The following BLTP3A variants were observed in gnomAD, a reference collection of about 807,000 sequenced individuals.
The protein encoded by BLTP3A is ICBP90 binding protein 1.
the BLTP3A span, among the ~76,000 whole-genome samples, chr6:34,843,721 C>A: frequency 6.6e-6 from 1 of 152,174 alleles, no homozygotes; most frequent in Non-Finnish European, 1.5e-5. Context: ...GCAAATATCT[C>A]CTGGGCATAC....
At chr6:34,855,810 G>A in the BLTP3A span, 2 of 1,562,882 alleles carry the variant, frequency 1.3e-6, no homozygotes, top group Non-Finnish European at 8.7e-7. Flanking sequence ...AGAGATTGCA[G>A]TGCATGCTCA....
At chr6:34,872,007 C>G in the BLTP3A span, 1 of 1,397,146 alleles carries the variant, frequency 7.2e-7, no homozygotes. Flanking sequence ...GGTTGGGGGG[C>G]AAAAAGGTTG....
chr6:34,858,569 A>G, the BLTP3A span: 1 of 1,614,174 alleles, frequency 6.2e-7, no homozygotes, highest in South Asian at 1.1e-5. Context: ...CAGCAAGCCC[A>G]GGCACGGAAG....
chr6:34,871,031 G>A, the BLTP3A span: 1 of 1,614,088 alleles, frequency 6.2e-7, no homozygotes, highest in Non-Finnish European at 8.5e-7. Context: ...GTGCTCAGTG[G>A]CCTGGGGCCC....
the BLTP3A span, chr6:34,835,164 C>A: frequency 9.6e-7 from 1 of 1,046,004 alleles, no homozygotes. Context: ...GAAATTGTCT[C>A]TCCAAAGTGC....
At chr6:34,809,673 C>G in the BLTP3A span, among the ~76,000 whole-genome samples, 1 of 152,064 alleles carries the variant, frequency 6.6e-6, no homozygotes, top group Non-Finnish European at 1.5e-5. Context: ...TCAAGCGATT[C>G]TCCTGCCTCA....
chr6:34,834,702 G>A, the BLTP3A span: 2 of 1,612,228 alleles, frequency 1.2e-6, no homozygotes, highest in East Asian at 4.5e-5. Context: ...TTAAGGGATT[G>A]TACTTTCTCT....
chr6:34,873,993 T>C, the BLTP3A span: 1 of 152,334 alleles, frequency 6.6e-6, no homozygotes, highest in Non-Finnish European at 1.5e-5. Flanking sequence ...GTTTCTTTAC[T>C]AAGGCAATTT....
the BLTP3A span, among the ~76,000 whole-genome samples, chr6:34,853,695 G>T: frequency 6.6e-6 from 1 of 151,838 alleles, no homozygotes; most frequent in African/African-American, 2.4e-5. Context: ...TGAGTAGCTG[G>T]GATTACAAGC....
At chr6:34,814,424 A>T in the BLTP3A span, among the ~76,000 whole-genome samples, 1 of 152,008 alleles carries the variant, frequency 6.6e-6, no homozygotes, top group Non-Finnish European at 1.5e-5. Flanking sequence ...GGCAGTATCC[A>T]TTTTTTGTTG....
the BLTP3A span, chr6:34,872,032 A>T: frequency 8.9e-7 from 1 of 1,118,630 alleles, no homozygotes; most frequent in Non-Finnish European, 1.3e-6. Context: ...TGCTGCCTGC[A>T]TGTGGGTGTT....
At chr6:34,843,840 T>C in the BLTP3A span, among the ~76,000 whole-genome samples, 2 of 152,230 alleles carry the variant, frequency 1.3e-5, no homozygotes, top group Admixed American at 6.5e-5. Context: ...ATAGTAGTTA[T>C]ACTAATTTAC....
chr6:34,836,496 C>A, the BLTP3A span: 1 of 713,018 alleles, frequency 1.4e-6, no homozygotes, highest in Non-Finnish European at 2.3e-6. Flanking sequence ...GGGCCTCAGC[C>A]CTCCTGTGGT....
At chr6:34,857,404 A>C in the BLTP3A span, 1 of 1,614,126 alleles carries the variant, frequency 6.2e-7, no homozygotes. Flanking sequence ...CAACCTCCCT[A>C]CCCAGGTCTC....
the BLTP3A span, among the ~76,000 whole-genome samples, chr6:34,826,676 C>G: frequency 6.6e-6 from 1 of 152,052 alleles, no homozygotes; most frequent in Non-Finnish European, 1.5e-5. Flanking sequence ...TACATTTACT[C>G]TTTATACATG....
At chr6:34,831,730 A>G in the BLTP3A span, among the ~76,000 whole-genome samples, 8 of 152,318 alleles carry the variant, frequency 5.3e-5, no homozygotes, top group African/African-American at 1.9e-4. Flanking sequence ...CCATTTATTG[A>G]AAAAACTATT....
At chr6:34,817,623 T>C in the BLTP3A span, among the ~76,000 whole-genome samples, 3 of 152,166 alleles carry the variant, frequency 2.0e-5, no homozygotes, top group African/African-American at 7.2e-5. Flanking sequence ...GGGAGTGACA[T>C]GAATGGGCCC....
At chr6:34,821,969 T>G in the BLTP3A span, 1 of 1,614,234 alleles carries the variant, frequency 6.2e-7, no homozygotes, top group Non-Finnish European at 8.5e-7. Context: ...ATGACCTTTC[T>G]TGATTGCAAG....
the BLTP3A span, among the ~76,000 whole-genome samples, chr6:34,809,342 G>A: frequency 6.6e-6 from 1 of 152,148 alleles, no homozygotes; most frequent in African/African-American, 2.4e-5. Context: ...GCAGTGAGCA[G>A]CAGTTGCACC....
Sources: allele counts gnomAD v4.1 joint callset (sites outside exome capture counted in the v4.1 genomes callset), GRCh38; gene constraint gnomAD v4.1.1; transcripts MANE v1.5; gene names NCBI Gene and HGNC (gene_info 2026-07-23, HGNC 2026-07-21).